PTPRD: variants seen among roughly 807,000 people sequenced by gnomAD.
The protein encoded by PTPRD is protein tyrosine phosphatase receptor type D.
Under a neutral mutation model 214.5 loss-of-function variants are expected in PTPRD, and 34 were observed. The observed-to-expected ratio is 0.16, with a 90% CI of 0.12 to 0.21. The LOEUF (loss-of-function observed/expected upper bound fraction) is 0.21. Among genes scored for constraint, PTPRD ranks in the 10% least tolerant of loss-of-function variants. The pLI, the probability that PTPRD is intolerant of heterozygous loss-of-function variation, is 1.00. For synonymous variants in PTPRD, 1,128 were observed against 845.7 expected, an observed-to-expected ratio of 1.33 and a Z score of -5.79; for missense variants, 2,545 against 2,398.7, an observed-to-expected ratio of 1.06 and a Z score of -1.27.
At chr9:8,480,007 T>C (rs1409127086) in intron 30 of PTPRD, among the ~76,000 whole-genome samples, 5 of 152,222 alleles carry the variant, frequency 3.3e-5, no homozygotes, top group African/African-American at 1.2e-4. Context: ...GTTTTCACAA[T>C]ACCTGGCAGT....
chr9:8,811,770 T>A (rs1210395073), intron 11 of PTPRD, among the ~76,000 whole-genome samples: 2 of 152,214 alleles, frequency 1.3e-5, no homozygotes, highest in Non-Finnish European at 2.9e-5. Flanking sequence ...TTCAATTTCA[T>A]CTCTTGCTGT....
At chr9:10,271,388 G>C (rs556555462) in intron 3 of PTPRD, among the ~76,000 whole-genome samples, 1 of 135,992 alleles carries the variant, frequency 7.4e-6, no homozygotes, top group East Asian at 2.2e-4. Flanking sequence ...GTAACTCAGA[G>C]TCTCTTTATG....
chr9:9,835,598 T>C (rs1222707219), intron 5 of PTPRD, among the ~76,000 whole-genome samples: 2 of 152,160 alleles, frequency 1.3e-5, no homozygotes, highest in Non-Finnish European at 2.9e-5. Flanking sequence ...CATCTTCTTT[T>C]GACAAATAGC....
intron 11 of PTPRD, among the ~76,000 whole-genome samples, chr9:8,819,634 C>T (rs1397451618): frequency 6.6e-6 from 1 of 152,078 alleles, no homozygotes; most frequent in African/African-American, 2.4e-5. Context: ...GCACTCCAGC[C>T]TGGGCAACAG....
At chr9:9,966,223 A>G (rs1265960735) in intron 4 of PTPRD, among the ~76,000 whole-genome samples, 1 of 152,182 alleles carries the variant, frequency 6.6e-6, no homozygotes, top group Non-Finnish European at 1.5e-5. Flanking sequence ...CAACACAAGG[A>G]AAGATTTATT....
chr9:8,398,702 G>A (rs1214339813), intron 36 of PTPRD, among the ~76,000 whole-genome samples: 1 of 152,064 alleles, frequency 6.6e-6, no homozygotes. Flanking sequence ...GGCCATGTAA[G>A]GACACAGCAT....
chr9:9,429,069 G>GA (rs1238713894), intron 8 of PTPRD, among the ~76,000 whole-genome samples: 4 of 152,034 alleles, frequency 2.6e-5, no homozygotes, highest in African/African-American at 9.7e-5. Flanking sequence ...AGAACTGAAG[G>GA]AAAAAGAGAC....
At chr9:9,757,261 A>C (rs1166166035) in intron 6 of PTPRD, among the ~76,000 whole-genome samples, 1 of 152,186 alleles carries the variant, frequency 6.6e-6, no homozygotes, top group Non-Finnish European at 1.5e-5. Context: ...TCTTCGGTTA[A>C]GTTTCATGCA....
chr9:9,984,375 C>T (rs1424759729), intron 4 of PTPRD, among the ~76,000 whole-genome samples: 3 of 152,326 alleles, frequency 2.0e-5, no homozygotes, highest in East Asian at 1.9e-4. Flanking sequence ...AAGAGACTCC[C>T]TTCTCAAGGC....
chr9:8,318,753 C>T (rs919046335), intron 45 of PTPRD, among the ~76,000 whole-genome samples: 2 of 151,958 alleles, frequency 1.3e-5, no homozygotes, highest in African/African-American at 4.8e-5. Flanking sequence ...GAAGCATGGC[C>T]TTTTTCAGAC....
At chr9:8,748,966 C>G (rs1445564428) in intron 11 of PTPRD, among the ~76,000 whole-genome samples, 1 of 151,978 alleles carries the variant, frequency 6.6e-6, no homozygotes, top group African/African-American at 2.4e-5. Flanking sequence ...CCATACACTC[C>G]ATCACACAAA....
rs114653125 is a variant in PTPRD at position 8,625,084 on chromosome 9, G to A, written c.352+8233C>T. Among the ~76,000 whole-genome samples, 1,192 of 151,818 alleles carry A rather than the reference G, an allele frequency of 7.9e-3. 21 individuals are homozygous for A. Among genetic ancestry groups the A allele is most frequent in the African/African-American group, 0.026 (1,070 of 41,466 alleles). ...CTAGGCCATAGAAAACTGTAATGGAGCTTATACACAAAGGAAGAGGTATAC... is the reference window on the plus strand; with the variant it reads ...CTAGGCCATAGAAAACTGTAATGGAACTTATACACAAAGGAAGAGGTATAC... On this transcript the variant is annotated intron_variant, in intron 14 of 45. Transcript: ENST00000381196.
intron 2 of PTPRD, among the ~76,000 whole-genome samples, chr9:10,522,831 A>T (rs1013399616): frequency 6.6e-6 from 1 of 152,100 alleles, no homozygotes. Flanking sequence ...AAAGTTGAAA[A>T]TAAAAAATTA....
At chr9:8,655,392 G>T (rs1255268386) in intron 12 of PTPRD, among the ~76,000 whole-genome samples, 6 of 152,194 alleles carry the variant, frequency 3.9e-5, no homozygotes, top group African/African-American at 7.2e-5. Context: ...TAACTTAGGG[G>T]TTAAAAAGAG....
intron 8 of PTPRD, among the ~76,000 whole-genome samples, chr9:9,451,862 GATGA>G (rs2092262725): frequency 6.6e-6 from 1 of 151,146 alleles, no homozygotes; most frequent in Non-Finnish European, 1.5e-5. Flanking sequence ...TAAATTAGAA[GATGA>G]ATGAGAAAAA....
chr9:10,229,509 A>G (rs530459624), intron 3 of PTPRD, among the ~76,000 whole-genome samples: 1 of 152,224 alleles, frequency 6.6e-6, no homozygotes, highest in South Asian at 2.1e-4. Context: ...ACACCACGGA[A>G]TACTATGCAG....
chr9:8,620,591 G>A (rs2095790810), intron 14 of PTPRD, among the ~76,000 whole-genome samples: 1 of 151,946 alleles, frequency 6.6e-6, no homozygotes, highest in African/African-American at 2.4e-5. Context: ...ATTTTAACCA[G>A]GTACAGTCCA....
chr9:10,282,712 A>AT (rs143815317), intron 3 of PTPRD, among the ~76,000 whole-genome samples: 13,403 of 151,986 alleles, frequency 0.088, 712 homozygotes, highest in Non-Finnish European at 0.12. Context: ...TTTCACACTG[A>AT]TTTTTTTTAA....
chr9:8,481,448 T>G (rs989893168), intron 30 of PTPRD, among the ~76,000 whole-genome samples: 8 of 152,346 alleles, frequency 5.3e-5, no homozygotes, highest in African/African-American at 1.2e-4. Flanking sequence ...TTATACTATT[T>G]TAAAACTTCT....
Sources: allele counts gnomAD v4.1 joint callset (sites outside exome capture counted in the v4.1 genomes callset), GRCh38; gene constraint gnomAD v4.1.1; transcripts MANE v1.5; gene names NCBI Gene and HGNC (gene_info 2026-07-23, HGNC 2026-07-21).